The following ACSF3 variants were observed in gnomAD, a reference collection of about 807,000 sequenced individuals.
ACSF3 encodes the protein malonate--CoA ligase ACSF3, mitochondrial.
In ACSF3, 78 loss-of-function variants were observed where a neutral mutation model predicts 53.2. That is an observed-to-expected ratio of 1.47 (90% confidence interval 1.22 to 1.77). The LOEUF (loss-of-function observed/expected upper bound fraction) is 1.77. Among genes scored for constraint, ACSF3 ranks in the 40% most tolerant of loss-of-function variants. ACSF3 has a pLI of 0.00. For missense variants in ACSF3, 937 were observed against 771.1 expected, an observed-to-expected ratio of 1.22 and a Z score of -2.55; for synonymous variants, 414 against 333.1, an observed-to-expected ratio of 1.24 and a Z score of -2.65.
intron 8 of ACSF3, among the ~76,000 whole-genome samples, chr16:89,135,110 C>A (rs1274174206): frequency 7.6e-6 from 1 of 132,136 alleles, no homozygotes; most frequent in African/African-American, 2.9e-5. Flanking sequence ...ATATTTTATG[C>A]TGAACATCAT....
At chr16:89,120,993 T>G (rs1942222865) in intron 7 of ACSF3, 80 bp downstream of exon 7, 3 of 1,294,412 alleles carry the variant, frequency 2.3e-6, no homozygotes, top group African/African-American at 2.9e-5. Context: ...GGTGCATCTT[T>G]CCCCTGGAGG....
intron 7 of ACSF3, among the ~76,000 whole-genome samples, chr16:89,124,402 CAT>C (rs1287023921): frequency 4.2e-5 from 3 of 71,840 alleles, no homozygotes; most frequent in Admixed American, 1.6e-4. Flanking sequence ...GTGCACTGCT[CAT>C]GTGTGTGTTA....
intron 7 of ACSF3, among the ~76,000 whole-genome samples, chr16:89,127,406 G>A (rs1045163516): frequency 1.3e-4 from 19 of 151,910 alleles, no homozygotes; most frequent in African/African-American, 3.9e-4. Context: ...GTTCTGTCAC[G>A]CAGGCTGGAG....
At chr16:89,118,462 C>A (rs1408519789) in intron 6 of ACSF3, among the ~76,000 whole-genome samples, 1 of 152,236 alleles carries the variant, frequency 6.6e-6, no homozygotes, top group Non-Finnish European at 1.5e-5. Flanking sequence ...GGCTCTAACC[C>A]CCACCCTGGT....
chr16:89,146,351 C>T lies in ACSF3; in HGVS notation c.1613+302C>T, dbSNP rs117461104. 6.7e-3 allele frequency among the ~76,000 whole-genome samples: 1,023 copies of T among 152,234 alleles called. 39 individuals carry two copies. The East Asian group carries it at 0.11, about 17-fold the overall frequency. On this transcript the variant is annotated intron_variant, in intron 10 of 10. Coordinates refer to ENST00000614302, the MANE Select transcript of ACSF3 (RefSeq NM_001243279.3). ...TCCGTCCTGGTCCCAGGAGAGATCCCGGATGAGCCAGGCCAGGCCCATGCA... is the reference window on the plus strand; with the variant it reads ...TCCGTCCTGGTCCCAGGAGAGATCCTGGATGAGCCAGGCCAGGCCCATGCA...
chr16:89,153,845 C>T (rs999398531), intron 10 of ACSF3: 17 of 559,850 alleles, frequency 3.0e-5, no homozygotes, highest in African/African-American at 9.4e-5. Flanking sequence ...AAGGCCTGCA[C>T]GCACCATGGC....
At chr16:89,122,840 A>G (rs1410304091) in intron 7 of ACSF3, 1 of 152,328 alleles carries the variant, frequency 6.6e-6, no homozygotes, top group African/African-American at 2.4e-5. Flanking sequence ...TCACACCTGC[A>G]TTGGCTGCCG....
intron 10 of ACSF3, chr16:89,147,795 C>T (rs957814253): frequency 6.6e-6 from 1 of 152,142 alleles, no homozygotes; most frequent in Non-Finnish European, 1.5e-5. Flanking sequence ...CCAAATCTTA[C>T]GTCCTTTTTA....
At position 89,133,138 on chromosome 16, in the gene ACSF3, G is replaced by C; in HGVS notation, c.1242G>C (p.Val414=). 6.2e-7 allele frequency: 1 copy of C among 1,613,774 alleles called. No individual in the cohort carries two copies. The highest frequency in any genetic ancestry group is 8.5e-7 in the Non-Finnish European group (1 of 1,180,008). The part of the protein sequence containing the change: ...HAEGDERGTK[V]TPGFEEKEGE... Reference sequence around the variant, plus strand: ...TCCATGTTCTTCATCCTCCACAGGTGACCCCAGGGTTTGAAGAAAAGGAGG... The same window carrying C: ...TCCATGTTCTTCATCCTCCACAGGTCACCCCAGGGTTTGAAGAAAAGGAGG... Residue 414 remains valine (V), a splice_region_variant and synonymous_variant, in exon 8 of 11, where the codon GTG becomes GTC. Transcript: ENST00000614302.
At chr16:89,097,192 C>T (rs776691774) in intron 1 of ACSF3, among the ~76,000 whole-genome samples, 13 of 152,136 alleles carry the variant, frequency 8.5e-5, no homozygotes, top group Non-Finnish European at 1.5e-5. Flanking sequence ...GTGTGGTTAC[C>T]GTGTGCACAG....
rs371729338 is a variant in ACSF3 at position 89,131,463 on chromosome 16, TG to T, written c.1240-1672del. 1.3e-3 allele frequency among the ~76,000 whole-genome samples: 196 copies of T among 152,286 alleles called. 2 individuals are homozygous for T. Among genetic ancestry groups the T allele is most frequent in the African/African-American group, 4.3e-3 (178 of 41,548 alleles). ...TCTCAGATAATTCCAATAACTGTGT[TG>T]TCTCAGTGCTGTTGTATTCTTTTTC... On this transcript the variant is annotated intron_variant, in intron 7 of 10. Coordinates refer to ENST00000614302, the MANE Select transcript of ACSF3 (RefSeq NM_001243279.3).
At chr16:89,126,778 A>G (rs1228848941) in intron 7 of ACSF3, among the ~76,000 whole-genome samples, 1 of 152,192 alleles carries the variant, frequency 6.6e-6, no homozygotes, top group Non-Finnish European at 1.5e-5. Flanking sequence ...TTCCTTTCCA[A>G]CCTGTATGAC....
intron 5 of ACSF3, 92 bp from the exon 6 acceptor site, chr16:89,114,247 A>G: frequency 1.3e-6 from 2 of 1,579,298 alleles, no homozygotes; most frequent in Admixed American, 3.4e-5. Context: ...TTTTGCAAGC[A>G]AGGGCCGCCT....
chr16:89,137,230 A>G (rs1188787022), intron 8 of ACSF3, among the ~76,000 whole-genome samples: 4 of 144,704 alleles, frequency 2.8e-5, no homozygotes, highest in Admixed American at 1.4e-4. Context: ...AGAGCCAGGG[A>G]TCCCGGGAGG....
intron 8 of ACSF3, among the ~76,000 whole-genome samples, chr16:89,133,789 A>G (rs771208818): frequency 6.6e-5 from 10 of 152,236 alleles, no homozygotes; most frequent in South Asian, 2.1e-4. Context: ...TGTTCCACAA[A>G]TTAGCACATT....
At chr16:89,129,402 C>G (rs752468959) in intron 7 of ACSF3, among the ~76,000 whole-genome samples, 5 of 151,906 alleles carry the variant, frequency 3.3e-5, no homozygotes, top group Non-Finnish European at 7.4e-5. Context: ...GCTCTTTGCT[C>G]TTAAGTTTAC....
At chr16:89,113,246 G>A (rs748249834) in intron 5 of ACSF3, 4 of 152,108 alleles carry the variant, frequency 2.6e-5, no homozygotes, top group African/African-American at 9.7e-5. Flanking sequence ...GTTTCCAGTG[G>A]GATGTGTGTG....
chr16:89,136,599 G>C, intron 8 of ACSF3: 2 of 1,286,338 alleles, frequency 1.6e-6, no homozygotes, highest in Non-Finnish European at 2.0e-6. Context: ...ACAGGGGACA[G>C]CCAGGGATGG....
chr16:89,099,122 C>T (rs1255864478), intron 2 of ACSF3, among the ~76,000 whole-genome samples: 2 of 152,216 alleles, frequency 1.3e-5, no homozygotes, highest in East Asian at 1.9e-4. Flanking sequence ...GCAGGAGCCT[C>T]GTGGAGAGTG....
Sources: allele counts gnomAD v4.1 joint callset (sites outside exome capture counted in the v4.1 genomes callset), GRCh38; gene constraint gnomAD v4.1.1; transcripts MANE v1.5; gene names NCBI Gene and HGNC (gene_info 2026-07-23, HGNC 2026-07-21).